ZNF680: variants seen among roughly 807,000 people sequenced by gnomAD.
The protein encoded by ZNF680 is hypothetical protein FLJ90430.
A neutral mutation model predicts 12.1 loss-of-function variants in ZNF680; 6 were observed. That is an observed-to-expected ratio of 0.49 (90% confidence interval 0.27 to 0.98). The LOEUF is 0.98. Among genes scored for constraint, ZNF680 ranks in the 50% least tolerant of loss-of-function variants. The pLI is 0.12. For synonymous variants in ZNF680, 170 were observed against 199.3 expected (o/e 0.85, Z 1.24); for missense variants, 561 against 616.3 (o/e 0.91, Z 0.95).
At chr7:64,544,156 T>C (rs1237855675) in intron 2 of ZNF680, 150 bp downstream of exon 2, 2 of 1,235,792 alleles carry the variant, frequency 1.6e-6, no homozygotes, top group Middle Eastern at 2.1e-4. Flanking sequence ...TGAAGGAATT[T>C]TTTTCTACAT....
In ZNF680 at chr7:64,563,041, T is replaced by A; in HGVS notation, c.-87A>T. The A allele has an allele frequency of 1.3e-6, 2 of 1,506,386 alleles. No homozygotes were observed. Among genetic ancestry groups the A allele is most frequent in the East Asian group, 2.3e-5 (1 of 43,650 alleles). 93.3% of individuals were successfully genotyped at this position (1,506,386 alleles called of 1,614,324 possible). The stretch of plus-strand genomic sequence containing the variant: ...GCAGAATACACAGAGCAGTAAAGAC[T>A]AGACCTGGAGCTCCCGCAGCAGCTA... On this transcript the variant is annotated 5_prime_UTR_variant, in exon 1 of 4. Transcript: ENST00000309683.
At chr7:64,551,886 C>T (rs1260958378) in intron 1 of ZNF680, 1 of 152,154 alleles carries the variant, frequency 6.6e-6, no homozygotes, top group Non-Finnish European at 1.5e-5. Flanking sequence ...TAAAATATTT[C>T]TCTCTAAATA....
chr7:64,553,931 G>A (rs1267597719), intron 1 of ZNF680, among the ~76,000 whole-genome samples: 5 of 151,984 alleles, frequency 3.3e-5, no homozygotes, highest in East Asian at 1.9e-4. Context: ...ATCTCGGCTC[G>A]CTACAACCTC....
At chr7:64,539,379 A>C (rs986247502) in intron 3 of ZNF680, among the ~76,000 whole-genome samples, 1 of 138,072 alleles carries the variant, frequency 7.2e-6, no homozygotes, top group African/African-American at 2.7e-5. Context: ...AAAAAAAGAA[A>C]AGAAAATCTT....
chr7:64,508,145 A>AGAC, the ZNF680 span, among the ~76,000 whole-genome samples: 1 of 111,984 alleles, frequency 8.9e-6, no homozygotes, highest in Non-Finnish European at 1.9e-5. Flanking sequence ...ATATATATAC[A>AGAC]TAATTTTTTT....
the ZNF680 span, among the ~76,000 whole-genome samples, chr7:64,503,427 C>A: frequency 7.9e-6 from 1 of 127,328 alleles, no homozygotes; most frequent in African/African-American, 3.1e-5. Flanking sequence ...GTCATCCAGG[C>A]TGGAGTGCAA....
At chr7:64,528,943 T>C (rs1382985029) in intron 3 of ZNF680, among the ~76,000 whole-genome samples, 1 of 152,112 alleles carries the variant, frequency 6.6e-6, no homozygotes, top group Non-Finnish European at 1.5e-5. Flanking sequence ...CCACCTCCAC[T>C]GAAACAGGTG....
At chr7:64,535,741 C>T (rs552125113) in intron 3 of ZNF680, among the ~76,000 whole-genome samples, 87 of 151,836 alleles carry the variant, frequency 5.7e-4, no homozygotes, top group African/African-American at 2.0e-3. Flanking sequence ...GTCAGGAGTT[C>T]GAGACCAGCC....
intron 3 of ZNF680, among the ~76,000 whole-genome samples, chr7:64,526,810 G>A (rs182648601): frequency 6.6e-6 from 1 of 152,222 alleles, no homozygotes; most frequent in Non-Finnish European, 1.5e-5. Flanking sequence ...AATTGAAGTT[G>A]TTATGAAATT....
chr7:64,508,204 G>A, the ZNF680 span, among the ~76,000 whole-genome samples: 1 of 143,430 alleles, frequency 7.0e-6, no homozygotes, highest in South Asian at 2.2e-4. Context: ...GAGTGCAGTC[G>A]TGCAATCTCA....
At chr7:64,562,885 G>C in intron 1 of ZNF680, 40 bp downstream of exon 1, 1 of 1,612,688 alleles carries the variant, frequency 6.2e-7, no homozygotes, top group Non-Finnish European at 8.5e-7. Context: ...GTTCCAACCA[G>C]CCCCTCCCCC....
At chr7:64,540,172 C>T (rs914121244) in intron 3 of ZNF680, among the ~76,000 whole-genome samples, 16 of 151,966 alleles carry the variant, frequency 1.1e-4, no homozygotes, top group Admixed American at 8.5e-4. Flanking sequence ...TAGATATGAT[C>T]GGACAACCAT....
intron 3 of ZNF680, chr7:64,526,463 G>A: frequency 1.5e-6 from 2 of 1,370,300 alleles, no homozygotes; most frequent in Non-Finnish European, 2.0e-6. Flanking sequence ...GGCCAAGGCA[G>A]TAAGATAACT....
chr7:64,556,726 A>G (rs1038646159), intron 1 of ZNF680, among the ~76,000 whole-genome samples: 1 of 152,196 alleles, frequency 6.6e-6, no homozygotes, highest in Non-Finnish European at 1.5e-5. Context: ...GATAAAGAAA[A>G]TATTATTGAC....
intron 1 of ZNF680, among the ~76,000 whole-genome samples, chr7:64,555,125 G>C (rs1267611536): frequency 2.6e-5 from 4 of 152,148 alleles, no homozygotes; most frequent in Non-Finnish European, 5.9e-5. Context: ...TATTAGGGCA[G>C]AAAATTTACA....
At chr7:64,526,084 T>C (rs1791827369) in intron 3 of ZNF680, 2 of 950,392 alleles carry the variant, frequency 2.1e-6, no homozygotes, top group Non-Finnish European at 2.5e-6. Flanking sequence ...TCCTAAAATA[T>C]ATAAAACAAA....
chr7:64,561,012 TTCAC>T (rs1034519637), intron 1 of ZNF680: 2 of 152,236 alleles, frequency 1.3e-5, no homozygotes, highest in African/African-American at 4.8e-5. Flanking sequence ...CTATTTGTCT[TTCAC>T]TCTTTTTTCA....
intron 3 of ZNF680, chr7:64,526,557 A>G: frequency 2.3e-6 from 1 of 436,412 alleles, no homozygotes; most frequent in Non-Finnish European, 4.0e-6. Flanking sequence ...TGAGTCCATT[A>G]TTTAAAAAAA....
intron 3 of ZNF680, chr7:64,526,390 C>T: frequency 1.4e-6 from 2 of 1,438,892 alleles, no homozygotes; most frequent in Non-Finnish European, 1.8e-6. Flanking sequence ...CACAGTTCTA[C>T]ATGAAGGGCT....
Sources: gnomAD v4.1 joint callset for allele counts (sites outside exome capture counted in the v4.1 genomes callset) on GRCh38, gnomAD v4.1.1 for gene constraint, MANE v1.5 for transcripts, NCBI Gene and HGNC (gene_info 2026-07-23, HGNC 2026-07-21) for gene names.